COX10: variants seen among roughly 807,000 people sequenced by gnomAD.
The protein encoded by COX10 is cytochrome c oxidase assembly factor heme A:farnesyltransferase COX10, also known as protoheme IX farnesyltransferase, mitochondrial.
In COX10, 27 loss-of-function variants were observed where a neutral mutation model predicts 37.3. The ratio of observed to expected loss-of-function variants is 0.72; its 90% CI spans 0.53 to 1.00. The LOEUF is 1.00. Among genes scored for constraint, COX10 ranks in the 50% least tolerant of loss-of-function variants. The pLI is 0.00. For synonymous variants in COX10, 222 were observed against 229.1 expected (o/e 0.97, Z 0.28); for missense variants, 475 against 563.2 (o/e 0.84, Z 1.59).
intron 3 of COX10, among the ~76,000 whole-genome samples, chr17:14,083,093 G>A (rs757060602): frequency 4.6e-5 from 7 of 152,092 alleles, no homozygotes; most frequent in East Asian, 1.9e-4. Flanking sequence ...AAAGCAAGAC[G>A]GATGCACCAC....
chr17:14,076,022 C>G (rs979383908), intron 2 of COX10, among the ~76,000 whole-genome samples: 5 of 150,574 alleles, frequency 3.3e-5, no homozygotes, highest in African/African-American at 1.2e-4. Flanking sequence ...ATCATTCAGC[C>G]CTGGATTATG....
Position 14,159,967 on chromosome 17 carries a change from T to C in COX10, c.695+20T>C, listed in dbSNP as rs1417863191. ...GATCAGGTAAAATCACGAATACAAG[T>C]GTCTTCCACATTATAAAACATTCAT... On this transcript the variant is annotated intron_variant, in intron 5 of 6. Coordinates refer to ENST00000261643, the MANE Select transcript of COX10 (RefSeq NM_001303.4). 1 of 1,597,820 alleles carries C rather than the reference T, an allele frequency of 6.3e-7. No homozygotes were observed. Among genetic ancestry groups the C allele is most frequent in the Admixed American group, 1.7e-5 (1 of 59,682 alleles).
At chr17:14,125,134 T>C (rs1220544395) in intron 4 of COX10, among the ~76,000 whole-genome samples, 1 of 152,164 alleles carries the variant, frequency 6.6e-6, no homozygotes. Context: ...CGAATGCACA[T>C]TGGTAAAATA....
chr17:14,111,388 G>C (rs1916004171), intron 4 of COX10, among the ~76,000 whole-genome samples: 1 of 152,098 alleles, frequency 6.6e-6, no homozygotes, highest in Non-Finnish European at 1.5e-5. Flanking sequence ...TTTGAATGAT[G>C]GAATGTAGAG....
chr17:14,134,333 A>G (rs1410993113), intron 4 of COX10, among the ~76,000 whole-genome samples: 1 of 151,868 alleles, frequency 6.6e-6, no homozygotes. Context: ...AAAAAATACA[A>G]AGTTATCTTT....
At chr17:14,159,147 G>A (rs1243254326) in intron 4 of COX10, among the ~76,000 whole-genome samples, 2 of 152,136 alleles carry the variant, frequency 1.3e-5, no homozygotes, top group Non-Finnish European at 2.9e-5. Context: ...TGCTGTTAAT[G>A]ATGCTGGCAC....
intron 4 of COX10, among the ~76,000 whole-genome samples, chr17:14,155,990 C>T (rs778683881): frequency 1.3e-5 from 2 of 152,070 alleles, no homozygotes; most frequent in African/African-American, 2.4e-5. Context: ...TAGCATGGCA[C>T]GTGAGGCTCT....
At chr17:14,097,729 C>T (rs1915680650) in intron 3 of COX10, among the ~76,000 whole-genome samples, 1 of 152,046 alleles carries the variant, frequency 6.6e-6, no homozygotes, top group Admixed American at 6.6e-5. Context: ...ATTGACAGTT[C>T]AGTGATTATG....
At chr17:14,080,608 G>A (rs911829615) in intron 3 of COX10, among the ~76,000 whole-genome samples, 1 of 152,074 alleles carries the variant, frequency 6.6e-6, no homozygotes, top group Non-Finnish European at 1.5e-5. Flanking sequence ...GGTTTTGTAT[G>A]CGTTTTCATT....
chr17:14,120,623 G>A (rs1916209990), intron 4 of COX10, among the ~76,000 whole-genome samples: 1 of 152,108 alleles, frequency 6.6e-6, no homozygotes. Flanking sequence ...GAAGCCATAG[G>A]CCCACAGTGA....
Position 14,180,193 on chromosome 17 carries a change from A to G in COX10, c.696-11796A>G, listed in dbSNP as rs578056794. On this transcript the variant is annotated intron_variant, in intron 5 of 6. Coordinates refer to ENST00000261643, the MANE Select transcript of COX10 (RefSeq NM_001303.4). ...ACCCAGCCAGGCTAAAGCTCTGCAG[A>G]GTTTCTAAGGGTTGTTATGATTAGT... Among the ~76,000 whole-genome samples the G allele has an allele frequency of 7.2e-5, 11 of 151,898 alleles. No individual in the cohort carries two copies. The East Asian group carries it at 2.2e-3, about 30-fold the overall frequency.
intron 4 of COX10, among the ~76,000 whole-genome samples, chr17:14,136,408 C>T (rs866689117): frequency 6.6e-6 from 1 of 151,800 alleles, no homozygotes; most frequent in Non-Finnish European, 1.5e-5. Context: ...TTATACATAC[C>T]TTTTTTTAGA....
intron 5 of COX10, among the ~76,000 whole-genome samples, chr17:14,169,088 A>G (rs1401280628): frequency 6.6e-6 from 1 of 152,180 alleles, no homozygotes; most frequent in Non-Finnish European, 1.5e-5. Flanking sequence ...ATGACGGTAC[A>G]CCTTCAGAAA....
intron 1 of COX10, among the ~76,000 whole-genome samples, chr17:14,072,215 G>A (rs754886583): frequency 2.0e-5 from 3 of 151,816 alleles, no homozygotes; most frequent in African/African-American, 7.3e-5. Context: ...TTTGACCCAC[G>A]TAATCTTTTT....
At chr17:14,185,971 C>T (rs1274115455) in intron 5 of COX10, among the ~76,000 whole-genome samples, 1 of 152,002 alleles carries the variant, frequency 6.6e-6, no homozygotes, top group Non-Finnish European at 1.5e-5. Context: ...TTCTAATGTG[C>T]TCCACCAGTG....
rs535558913 is a variant in COX10 at position 14,098,676 on chromosome 17, G to A, written c.500-3442G>A. Among the ~76,000 whole-genome samples, 25 of 152,232 alleles carry A rather than the reference G, an allele frequency of 1.6e-4. No individual in the cohort carries two copies. The South Asian group carries it at 2.1e-3, about 13-fold the overall frequency. On this transcript the variant is annotated intron_variant, in intron 3 of 6. Coordinates refer to ENST00000261643, the MANE Select transcript of COX10 (RefSeq NM_001303.4). ...TAAATGGCCTATGACAGGAGAGACT[G>A]TTCGTTCCCCATTGGCACAAGGGTA...
At chr17:14,196,902 A>G (rs1597547534) in intron 6 of COX10, among the ~76,000 whole-genome samples, 1 of 152,178 alleles carries the variant, frequency 6.6e-6, no homozygotes, top group South Asian at 2.1e-4. Flanking sequence ...TGACCCTCCA[A>G]GCGGGGAAAT....
At chr17:14,086,778 C>A (rs1915417285) in intron 3 of COX10, among the ~76,000 whole-genome samples, 2 of 152,142 alleles carry the variant, frequency 1.3e-5, no homozygotes, top group Non-Finnish European at 2.9e-5. Flanking sequence ...ATATCTTCCT[C>A]ATACTTCCTC....
intron 4 of COX10, among the ~76,000 whole-genome samples, chr17:14,107,798 A>G (rs1210020429): frequency 6.6e-6 from 1 of 152,120 alleles, no homozygotes; most frequent in East Asian, 1.9e-4. Context: ...CAATATTCCT[A>G]GCAGATTGTC....
Sources: gnomAD v4.1 joint callset for allele counts (sites outside exome capture counted in the v4.1 genomes callset) on GRCh38, gnomAD v4.1.1 for gene constraint, MANE v1.5 for transcripts, NCBI Gene and HGNC (gene_info 2026-07-23, HGNC 2026-07-21) for gene names.